Variants in HECTD2 observed in about 807,000 individuals in gnomAD.
HECTD2 encodes probable E3 ubiquitin-protein ligase HECTD2.
HECTD2 carries 35 observed loss-of-function variants against 103.2 expected under a neutral mutation model. The ratio of observed to expected loss-of-function variants is 0.34; its 90% CI spans 0.26 to 0.45. The LOEUF (loss-of-function observed/expected upper bound fraction) is 0.45, where lower values mean the gene tolerates loss of function less well. Ranked by LOEUF, HECTD2 falls within the 20% of genes least tolerant of loss-of-function variation. The pLI is 1.00. For synonymous variants in HECTD2, 281 were observed against 329.9 expected (o/e 0.85, Z 1.61); for missense variants, 596 against 937.4 (o/e 0.64, Z 4.76).
chr10:91,511,598 T>C (rs1438056815), intron 20 of HECTD2, among the ~76,000 whole-genome samples: 1 of 152,144 alleles, frequency 6.6e-6, no homozygotes, highest in Admixed American at 6.6e-5. Context: ...TGGATGAAAC[T>C]GTTCCACCTC....
At chr10:91,471,734 C>T (rs1270866601) in intron 5 of HECTD2, among the ~76,000 whole-genome samples, 1 of 152,024 alleles carries the variant, frequency 6.6e-6, no homozygotes, top group Admixed American at 6.6e-5. Context: ...AATAAAATAC[C>T]TGTGAGTATT....
chr10:91,421,053 C>T (rs1843339020), intron 1 of HECTD2, among the ~76,000 whole-genome samples: 1 of 152,076 alleles, frequency 6.6e-6, no homozygotes, highest in Non-Finnish European at 1.5e-5. Flanking sequence ...AGGCTTTTTT[C>T]CCCTTCAGTA....
chr10:91,496,672 C>CA (rs1846677670), intron 15 of HECTD2, among the ~76,000 whole-genome samples: 1 of 151,940 alleles, frequency 6.6e-6, no homozygotes, highest in African/African-American at 2.4e-5. Flanking sequence ...TTTATGTGAA[C>CA]AATGGGATAG....
Position 91,502,323 on chromosome 10 carries a change from C to T in HECTD2, c.2210+989C>T, listed in dbSNP as rs529829916. ...CCATGCTTTCAAGTTGTTCCCTTTA[C>T]ATGTGATGTGCCAGCTATGACTATT... On this transcript the variant is annotated intron_variant, in intron 20 of 20. Coordinates refer to ENST00000298068, the MANE Select transcript of HECTD2 (RefSeq NM_182765.6). Among the ~76,000 whole-genome samples, 18 of 152,242 alleles carry T rather than the reference C, an allele frequency of 1.2e-4. No individual in the cohort carries two copies. The South Asian group carries it at 1.7e-3, about 14-fold the overall frequency.
intron 1 of HECTD2, among the ~76,000 whole-genome samples, chr10:91,415,819 A>G (rs1275273428): frequency 6.6e-6 from 1 of 152,222 alleles, no homozygotes; most frequent in African/African-American, 2.4e-5. Flanking sequence ...GATATGTTCT[A>G]GGATATCTAT....
chr10:91,499,829 T>C (rs1453320142), intron 18 of HECTD2, among the ~76,000 whole-genome samples: 1 of 152,210 alleles, frequency 6.6e-6, no homozygotes, highest in Non-Finnish European at 1.5e-5. Flanking sequence ...AAATGGACTA[T>C]AGAAGTTGCT....
chr10:91,482,345 A>G (rs1393455330), intron 7 of HECTD2, among the ~76,000 whole-genome samples: 3 of 151,886 alleles, frequency 2.0e-5, no homozygotes, highest in Admixed American at 6.6e-5. Flanking sequence ...ATATTTTGGA[A>G]ACATTAACTA....
intron 2 of HECTD2, among the ~76,000 whole-genome samples, chr10:91,438,920 G>C (rs980785234): frequency 6.6e-6 from 1 of 152,014 alleles, no homozygotes; most frequent in Admixed American, 6.6e-5. Context: ...CTTTTTGATG[G>C]AGTAGGTTGA....
intron 2 of HECTD2, among the ~76,000 whole-genome samples, chr10:91,431,612 C>A (rs575936015): frequency 2.9e-3 from 439 of 152,050 alleles, no homozygotes; most frequent in African/African-American, 9.9e-3. Flanking sequence ...CTTCCCTTCT[C>A]ACTTCATTTC....
At chr10:91,477,904 G>A (rs560574092) in intron 5 of HECTD2, among the ~76,000 whole-genome samples, 63 of 152,140 alleles carry the variant, frequency 4.1e-4, no homozygotes, top group African/African-American at 1.5e-3. Context: ...CTGTCCTGTC[G>A]GGTCAAGGAA....
intron 5 of HECTD2, among the ~76,000 whole-genome samples, chr10:91,465,702 CTT>C (rs1291448351): frequency 1.3e-5 from 2 of 151,628 alleles, no homozygotes; most frequent in East Asian, 1.9e-4. Flanking sequence ...CATGATTTTT[CTT>C]TTTTAGCTTG....
At chr10:91,505,830 GCACCA>G (rs1340806300) in intron 20 of HECTD2, among the ~76,000 whole-genome samples, 33 of 152,046 alleles carry the variant, frequency 2.2e-4, no homozygotes, top group Non-Finnish European at 4.6e-4. Flanking sequence ...ATTTTTTTCA[GCACCA>G]CACCACACCT....
intron 2 of HECTD2, among the ~76,000 whole-genome samples, chr10:91,430,089 T>C (rs956626326): frequency 3.9e-5 from 6 of 151,932 alleles, no homozygotes; most frequent in East Asian, 3.9e-4. Context: ...TCTTTGTTCT[T>C]GTTGGTTTCA....
chr10:91,464,974 T>G (rs977384475), intron 5 of HECTD2, among the ~76,000 whole-genome samples: 1 of 152,138 alleles, frequency 6.6e-6, no homozygotes, highest in African/African-American at 2.4e-5. Context: ...ATGAACACTA[T>G]AACCATATTT....
At chr10:91,478,429 A>G (rs772193451) in intron 6 of HECTD2, among the ~76,000 whole-genome samples, 164 bp downstream of exon 6, 9 of 152,242 alleles carry the variant, frequency 5.9e-5, no homozygotes, top group Non-Finnish European at 1.0e-4. Flanking sequence ...ACAAAGCTGT[A>G]TAACTTGAGA....
Position 91,484,803 on chromosome 10 carries a change from T to C in HECTD2, c.970+148T>C, listed in dbSNP as rs531544155. 52 of 667,476 alleles carry C rather than the reference T, an allele frequency of 7.8e-5. No individual in the cohort carries two copies. The Middle Eastern group carries it at 1.2e-3, about 16-fold the overall frequency. The allele number at this position is 667,476 out of a possible 1,614,324, so 41.3% of individuals were successfully genotyped here. A position where few individuals can be genotyped will look rare whatever the true frequency, so the allele number is the denominator to read the frequency against. On this transcript the variant is annotated intron_variant, in intron 9 of 20. Coordinates refer to ENST00000298068, the MANE Select transcript of HECTD2 (RefSeq NM_182765.6). The stretch of plus-strand genomic sequence containing the variant: ...AGTTGTAATTTATTTTCTACTTTGA[T>C]AATAGATTTCATAATTTATAAGCAT...
rs1344643149 is a variant in HECTD2, at chr10:91,498,151, A to G, written c.1724A>G (p.Asn575Ser). The G allele has an allele frequency of 6.2e-7, 1 of 1,611,950 alleles. No homozygotes were observed. The highest frequency in any genetic ancestry group is 8.5e-7 in the Non-Finnish European group (1 of 1,178,150). ...GLSELLSHEG[N>S]VEEDFYSTFQ... ...AGTGAACTCTTATCACATGAAGGCAATGTTGAAGAAGATTTCTATTCAACA... is the reference window on the plus strand; with the variant it reads ...AGTGAACTCTTATCACATGAAGGCAGTGTTGAAGAAGATTTCTATTCAACA... The change falls in exon 16 of 21, where the codon AAT becomes AGT. Residue 575 changes from asparagine to serine, a missense_variant. Coordinates refer to ENST00000298068, the MANE Select transcript of HECTD2 (RefSeq NM_182765.6).
chr10:91,454,226 GCATTTCAAGTGCCAGTGGGA>G (rs1488509212), intron 2 of HECTD2, among the ~76,000 whole-genome samples: 1 of 152,130 alleles, frequency 6.6e-6, no homozygotes, highest in Non-Finnish European at 1.5e-5. Flanking sequence ...AATACACGTG[GCATTTCAAGTGCCAGTGGGA>G]CATACAGCAA....
intron 1 of HECTD2, among the ~76,000 whole-genome samples, chr10:91,420,237 G>T (rs902861885): frequency 6.7e-6 from 1 of 149,160 alleles, no homozygotes; most frequent in Non-Finnish European, 1.5e-5. Flanking sequence ...AGACTTATTA[G>T]ACCAAGGAAT....
Sources: gnomAD v4.1 joint callset for allele counts (sites outside exome capture counted in the v4.1 genomes callset) on GRCh38, gnomAD v4.1.1 for gene constraint, MANE v1.5 for transcripts, NCBI Gene and HGNC (gene_info 2026-07-23, HGNC 2026-07-21) for gene names.